Variants in OSBPL1A observed in about 807,000 individuals in gnomAD.
OSBPL1A encodes the protein oxysterol binding protein like 1A, also known as oxysterol-binding protein-related protein 1.
A neutral mutation model predicts 137.1 loss-of-function variants in OSBPL1A; 80 were observed. That is an observed-to-expected ratio of 0.58 (90% CI 0.49 to 0.70). The LOEUF (loss-of-function observed/expected upper bound fraction) is 0.70. OSBPL1A is among the 30% of genes least tolerant of loss of function. OSBPL1A has a pLI of 0.00. For synonymous variants in OSBPL1A, 365 were observed against 389.7 expected, an observed-to-expected ratio of 0.94 and a Z score of 0.75; for missense variants, 970 against 1,129.4, an observed-to-expected ratio of 0.86 and a Z score of 2.02.
intron 15 of OSBPL1A, chr18:24,272,007 C>G: frequency 2.0e-6 from 2 of 981,526 alleles, no homozygotes; most frequent in Non-Finnish European, 2.4e-6. Context: ...AGGCCTGCGG[C>G]GGGCGGCTCC....
intron 14 of OSBPL1A, among the ~76,000 whole-genome samples, chr18:24,298,207 C>T (rs2090327893): frequency 6.6e-6 from 1 of 152,172 alleles, no homozygotes; most frequent in Non-Finnish European, 1.5e-5. Flanking sequence ...AAAGGGGAGG[C>T]ATGAATAATC....
chr18:24,225,328 G>A (rs2088039832), intron 16 of OSBPL1A, 130 bp from the exon 17 acceptor site: 4 of 841,448 alleles, frequency 4.8e-6, no homozygotes, highest in African/African-American at 1.7e-5. Context: ...CAATCCATCT[G>A]TTAACTACCT....
chr18:24,293,090 A>G (rs1239418363), intron 14 of OSBPL1A, among the ~76,000 whole-genome samples: 3 of 125,338 alleles, frequency 2.4e-5, no homozygotes, highest in Non-Finnish European at 4.8e-5. Context: ...GGCGACAGAG[A>G]GGGACTCCCG....
chr18:24,307,748 T>C (rs2090530481), intron 13 of OSBPL1A, among the ~76,000 whole-genome samples: 1 of 152,222 alleles, frequency 6.6e-6, no homozygotes, highest in East Asian at 1.9e-4. Context: ...CATGCAACTT[T>C]CTGCACATTT....
At chr18:24,239,511 A>T in intron 15 of OSBPL1A, 129 bp from the exon 16 acceptor site, 1 of 880,490 alleles carries the variant, frequency 1.1e-6, no homozygotes, top group Non-Finnish European at 1.7e-6. Context: ...CAGTCGTGTC[A>T]CATGTGCATG....
chr18:24,241,506 A>G (rs1421514812), intron 15 of OSBPL1A, among the ~76,000 whole-genome samples: 3 of 152,240 alleles, frequency 2.0e-5, no homozygotes, highest in African/African-American at 7.2e-5. Context: ...GCGTTTATGC[A>G]GCCAACAAAC....
intron 15 of OSBPL1A, among the ~76,000 whole-genome samples, chr18:24,267,919 C>T (rs1331789317): frequency 6.6e-6 from 1 of 150,946 alleles, no homozygotes; most frequent in East Asian, 1.9e-4. Flanking sequence ...GTCCTGAAGG[C>T]CCTAGCCAGT....
chr18:24,207,208 C>T (rs931782651), intron 17 of OSBPL1A, among the ~76,000 whole-genome samples: 4 of 152,068 alleles, frequency 2.6e-5, no homozygotes, highest in African/African-American at 9.7e-5. Flanking sequence ...CTCAGCCTCC[C>T]GAGTAGCTGG....
chr18:24,255,750 T>G (rs2089252997), intron 15 of OSBPL1A, among the ~76,000 whole-genome samples: 1 of 148,874 alleles, frequency 6.7e-6, no homozygotes, highest in Non-Finnish European at 1.5e-5. Context: ...CAAAATAAAC[T>G]TTCTAATTTT....
At chr18:24,308,713 T>C (rs2090555941) in intron 13 of OSBPL1A, among the ~76,000 whole-genome samples, 1 of 152,162 alleles carries the variant, frequency 6.6e-6, no homozygotes, top group Non-Finnish European at 1.5e-5. Flanking sequence ...CACATGTGGC[T>C]ACTGAGCACT....
At chr18:24,166,821 G>T in intron 25 of OSBPL1A, 119 bp from the exon 26 acceptor site, 1 of 1,043,124 alleles carries the variant, frequency 9.6e-7, no homozygotes, top group South Asian at 1.7e-5. Flanking sequence ...GGTAACAATG[G>T]TCAGTCTTTC....
intron 14 of OSBPL1A, among the ~76,000 whole-genome samples, chr18:24,293,937 A>G (rs1184383542): frequency 6.6e-6 from 1 of 152,176 alleles, no homozygotes; most frequent in Non-Finnish European, 1.5e-5. Context: ...GTGGGAGGCA[A>G]TGGTGGCTTG....
chr18:24,289,986 T>C (rs1015264649), intron 14 of OSBPL1A, among the ~76,000 whole-genome samples: 9 of 152,112 alleles, frequency 5.9e-5, no homozygotes, highest in African/African-American at 2.2e-4. Context: ...CACACTATTG[T>C]AAAGTTGAAA....
chr18:24,347,218 C>T (rs1296755682), intron 4 of OSBPL1A, among the ~76,000 whole-genome samples: 1 of 152,096 alleles, frequency 6.6e-6, no homozygotes, highest in Non-Finnish European at 1.5e-5. Context: ...GTTCCGTCAC[C>T]CAGGCTGGAG....
chr18:24,260,902 A>G (rs2089431548), intron 15 of OSBPL1A, among the ~76,000 whole-genome samples: 1 of 151,958 alleles, frequency 6.6e-6, no homozygotes, highest in Non-Finnish European at 1.5e-5. Flanking sequence ...ATTCTACTAG[A>G]TATTTCCATA....
chr18:24,308,557 C>A lies in OSBPL1A; in HGVS notation c.1092+3427G>T, dbSNP rs375481354. Among the ~76,000 whole-genome samples, 97 of 151,032 alleles carry A rather than the reference C, an allele frequency of 6.4e-4. 1 individual carries two copies. The East Asian group carries it at 0.017, about 27-fold the overall frequency. ...CTTGTAACACAAAAACAGTTCAGATCCTACAGAATCAAGACATCTTCAACA... is the reference window on the plus strand; with the variant it reads ...CTTGTAACACAAAAACAGTTCAGATACTACAGAATCAAGACATCTTCAACA... On this transcript the variant is annotated intron_variant, in intron 13 of 27. Transcript: ENST00000319481.
chr18:24,235,420 A>C (rs202038682), intron 16 of OSBPL1A, among the ~76,000 whole-genome samples: 4 of 151,970 alleles, frequency 2.6e-5, no homozygotes, highest in African/African-American at 9.7e-5. Flanking sequence ...GAGTAGGGGA[A>C]TGGTAGAGCT....
At position 24,249,550 on chromosome 18, in the gene OSBPL1A, CT is replaced by C. The variant is rs528614151; in HGVS notation, c.1282-10169del. On this transcript the variant is annotated intron_variant, in intron 15 of 27. Transcript: ENST00000319481. ...CAGTCTTGAATCACCAACACCAACC[CT>C]CCCCTATCCCCTGGCAACAGCTGTA... Among the ~76,000 whole-genome samples, 45 of 152,328 alleles carry C rather than the reference CT, an allele frequency of 3.0e-4. 1 individual carries two copies. The Middle Eastern group carries it at 0.01, about 35-fold the overall frequency.
intron 21 of OSBPL1A, among the ~76,000 whole-genome samples, chr18:24,173,488 T>C (rs13381138): frequency 0.064 from 9,792 of 152,218 alleles, 1,047 homozygotes; most frequent in African/African-American, 0.22. Context: ...TCTCGGCTCA[T>C]TGCAACCTTC....
Sources: gnomAD v4.1 joint callset for allele counts (sites outside exome capture counted in the v4.1 genomes callset) on GRCh38, gnomAD v4.1.1 for gene constraint, MANE v1.5 for transcripts, NCBI Gene and HGNC (gene_info 2026-07-23, HGNC 2026-07-21) for gene names.